The following RRP15 variants were observed in gnomAD, a reference collection of about 807,000 sequenced individuals.
RRP15 encodes RRP15-like protein.
A neutral mutation model predicts 27.1 loss-of-function variants in RRP15; 18 were observed. The observed-to-expected ratio is 0.66, with a 90% CI of 0.46 to 0.98. The LOEUF is 0.98. RRP15 is among the 50% of genes least tolerant of loss of function. The pLI, the probability that RRP15 is intolerant of heterozygous loss-of-function variation, is 0.00. For synonymous variants in RRP15, 107 were observed against 109.4 expected (o/e 0.98, Z 0.14); for missense variants, 359 against 337.8 (o/e 1.06, Z -0.49).
chr1:218,308,988 GA>G (rs1461300435), intron 4 of RRP15, among the ~76,000 whole-genome samples: 5 of 152,154 alleles, frequency 3.3e-5, no homozygotes, highest in Non-Finnish European at 5.9e-5. Context: ...ACATTTTATA[GA>G]AGCACATACT....
At chr1:218,306,442 A>G (rs1655900126) in intron 3 of RRP15, among the ~76,000 whole-genome samples, 1 of 152,144 alleles carries the variant, frequency 6.6e-6, no homozygotes, top group Non-Finnish European at 1.5e-5. Context: ...CTCATCCCTC[A>G]AGGTCACTAC....
chr1:218,305,337 T>C (rs550612186), intron 3 of RRP15, among the ~76,000 whole-genome samples: 6 of 152,354 alleles, frequency 3.9e-5, no homozygotes, highest in African/African-American at 1.4e-4. Flanking sequence ...GGTAAGAACC[T>C]ATTTCAGATC....
chr1:218,304,995 A>C, intron 2 of RRP15, 33 bp from the exon 3 acceptor site: 1 of 1,568,448 alleles, frequency 6.4e-7, no homozygotes, highest in Non-Finnish European at 8.8e-7. Context: ...GAAATATCTA[A>C]TATTCTTTCA....
chr1:218,321,624 A>T (rs1040580502), intron 4 of RRP15, among the ~76,000 whole-genome samples: 112 of 152,204 alleles, frequency 7.4e-4, no homozygotes, highest in African/African-American at 2.6e-3. Flanking sequence ...GCAGTACTGG[A>T]GTCAATGGCT....
intron 4 of RRP15, among the ~76,000 whole-genome samples, chr1:218,309,254 T>A (rs1458544403): frequency 6.6e-6 from 1 of 152,248 alleles, no homozygotes; most frequent in Non-Finnish European, 1.5e-5. Flanking sequence ...TATTTCTTTC[T>A]TTTAAAAATG....
At chr1:218,315,572 C>T (rs183257395) in intron 4 of RRP15, among the ~76,000 whole-genome samples, 157 of 151,976 alleles carry the variant, frequency 1.0e-3, no homozygotes, top group African/African-American at 3.5e-3. Context: ...AGATTACAGG[C>T]GCATGCCACC....
At chr1:218,325,033 T>A (rs1319007621) in intron 4 of RRP15, among the ~76,000 whole-genome samples, 1 of 152,200 alleles carries the variant, frequency 6.6e-6, no homozygotes, top group Non-Finnish European at 1.5e-5. Flanking sequence ...TTTTCTTTGA[T>A]CCTTGGAATT....
In RRP15 at chr1:218,335,303, CCTTT is replaced by C. The variant is rs1445566099; in HGVS notation, c.*4216_*4219del. 1 of 152,172 alleles carries C rather than the reference CCTTT, an allele frequency of 6.6e-6. No individual in the cohort carries two copies. The highest frequency in any genetic ancestry group is 1.5e-5 in the Non-Finnish European group (1 of 68,036). The allele number at this position is 152,172 out of a possible 1,614,324, so 9.4% of individuals were successfully genotyped here. On this transcript the variant is annotated 3_prime_UTR_variant, in exon 5 of 5. Coordinates refer to ENST00000366932, the MANE Select transcript of RRP15 (RefSeq NM_016052.4). ...AAAATACCTGTTCCAACATTGCTCA[CCTTT>C]CTTCTCCCTCCTTTTTGCCCTCTCC...
chr1:218,294,481 CACTT>C (rs916374950), intron 1 of RRP15, among the ~76,000 whole-genome samples: 5 of 152,122 alleles, frequency 3.3e-5, no homozygotes, highest in African/African-American at 9.7e-5. Flanking sequence ...CTCAGGGAGA[CACTT>C]AAGTTTATGG....
intron 1 of RRP15, among the ~76,000 whole-genome samples, chr1:218,288,036 A>C: frequency 6.6e-6 from 1 of 152,204 alleles, no homozygotes; most frequent in African/African-American, 2.4e-5. Flanking sequence ...AGCTGTTCAG[A>C]GAAGTGACTA....
intron 4 of RRP15, among the ~76,000 whole-genome samples, chr1:218,308,839 G>A (rs57246716): frequency 0.033 from 5,036 of 152,288 alleles, 267 homozygotes; most frequent in African/African-American, 0.11. Flanking sequence ...TTAGTTCAAA[G>A]GCTTTAATAG....
At position 218,310,607 on chromosome 1, in the gene RRP15, T is replaced by A. The variant is rs1361905649; in HGVS notation, c.705+2975T>A. Among the ~76,000 whole-genome samples the A allele has an allele frequency of 2.7e-5, 4 of 150,684 alleles. No homozygotes were observed. The East Asian group carries it at 7.7e-4, about 29-fold the overall frequency. The stretch of plus-strand genomic sequence containing the variant: ...GTTTTGTTTTCTCCTAATGTACACA[T>A]GACTTGGGAATTTATTTTAAAGAAC... On this transcript the variant is annotated intron_variant, in intron 4 of 4. Transcript: ENST00000366932.
chr1:218,310,170 C>T (rs1320420949), intron 4 of RRP15, among the ~76,000 whole-genome samples: 2 of 152,182 alleles, frequency 1.3e-5, no homozygotes, highest in East Asian at 3.8e-4. Context: ...AGCACCATAG[C>T]TATTGTACTC....
intron 1 of RRP15, among the ~76,000 whole-genome samples, chr1:218,297,485 G>T (rs1558202889): frequency 6.6e-6 from 1 of 152,174 alleles, no homozygotes; most frequent in Non-Finnish European, 1.5e-5. Context: ...AAAACCCAAT[G>T]AAGTACCATT....
intron 2 of RRP15, among the ~76,000 whole-genome samples, chr1:218,304,235 GT>G (rs1340341892): frequency 2.0e-5 from 3 of 152,104 alleles, no homozygotes; most frequent in Admixed American, 2.0e-4. Flanking sequence ...TTTATTACTG[GT>G]TTTGATGCTT....
intron 4 of RRP15, among the ~76,000 whole-genome samples, chr1:218,307,841 C>T (rs984067768): frequency 1.3e-5 from 2 of 152,034 alleles, no homozygotes; most frequent in Non-Finnish European, 2.9e-5. Flanking sequence ...GAATAGAAGC[C>T]TGTGTGGGCC....
intron 1 of RRP15, among the ~76,000 whole-genome samples, chr1:218,286,062 C>T (rs1277933401): frequency 6.6e-6 from 1 of 152,160 alleles, no homozygotes; most frequent in Admixed American, 6.5e-5. Context: ...TCATTCTTGG[C>T]ACCAGCTTAT....
Position 218,333,885 on chromosome 1 carries a change from G to A in RRP15, c.*2794G>A, listed in dbSNP as rs1656411492. ...CATAACACCTAGGATTTTATTTTTG[G>A]TAACTACTTAGAATAATATAGTAGG... On this transcript the variant is annotated 3_prime_UTR_variant, in exon 5 of 5. Transcript: ENST00000366932. 6.6e-6 allele frequency: 1 copy of A among 152,068 alleles called. No individual in the cohort carries two copies. Among genetic ancestry groups the A allele is most frequent in the African/African-American group, 2.4e-5 (1 of 41,382 alleles). 9.4% of individuals were successfully genotyped at this position (152,068 alleles called of 1,614,324 possible).
intron 4 of RRP15, among the ~76,000 whole-genome samples, chr1:218,315,254 G>A (rs1011114882): frequency 6.6e-6 from 1 of 152,034 alleles, no homozygotes; most frequent in Non-Finnish European, 1.5e-5. Context: ...GAAATACCTG[G>A]CTTCTTTGGT....
Sources: allele counts gnomAD v4.1 joint callset (sites outside exome capture counted in the v4.1 genomes callset), GRCh38; gene constraint gnomAD v4.1.1; transcripts MANE v1.5; gene names NCBI Gene and HGNC (gene_info 2026-07-23, HGNC 2026-07-21).